The following SH3GL2 variants were observed in gnomAD, a reference collection of about 807,000 sequenced individuals.
The protein encoded by SH3GL2 is endophilin-A1.
A neutral mutation model predicts 46.0 loss-of-function variants in SH3GL2; 24 were observed. That is an observed-to-expected ratio of 0.52 (90% CI 0.38 to 0.73). The LOEUF (loss-of-function observed/expected upper bound fraction) is 0.73, where lower values mean the gene tolerates loss of function less well. Among genes scored for constraint, SH3GL2 ranks in the 30% least tolerant of loss-of-function variants. The pLI is 0.00. For missense variants in SH3GL2, 413 were observed against 424.2 expected, an observed-to-expected ratio of 0.97 and a Z score of 0.23; for synonymous variants, 196 against 147.1, an observed-to-expected ratio of 1.33 and a Z score of -2.40.
At chr9:17,680,699 C>G (rs184808840) in intron 1 of SH3GL2, among the ~76,000 whole-genome samples, 2 of 152,052 alleles carry the variant, frequency 1.3e-5, no homozygotes, top group African/African-American at 2.4e-5. Context: ...TGTTGCTTCT[C>G]TAGTTCTTTT....
chr9:17,731,510 TA>T (rs1822182149), intron 1 of SH3GL2, among the ~76,000 whole-genome samples: 1 of 151,884 alleles, frequency 6.6e-6, no homozygotes, highest in Non-Finnish European at 1.5e-5. Flanking sequence ...GAGGAAGGTT[TA>T]TGTGAGGACA....
chr9:17,763,561 A>G (rs1380879275), intron 3 of SH3GL2, among the ~76,000 whole-genome samples: 2 of 152,196 alleles, frequency 1.3e-5, no homozygotes. Flanking sequence ...GGAAGACATG[A>G]GGAAGGATTC....
At chr9:17,745,149 T>C (rs186793315) in intron 1 of SH3GL2, among the ~76,000 whole-genome samples, 34 of 152,350 alleles carry the variant, frequency 2.2e-4, no homozygotes, top group Admixed American at 1.1e-3. Context: ...ATAAATGTTC[T>C]ATATAGTTCT....
intron 1 of SH3GL2, among the ~76,000 whole-genome samples, chr9:17,676,559 T>C (rs1218824751): frequency 6.6e-6 from 1 of 152,166 alleles, no homozygotes; most frequent in Non-Finnish European, 1.5e-5. Flanking sequence ...TGAGCTGAGA[T>C]TGCACCACTG....
At chr9:17,668,127 T>G (rs1820389638) in intron 1 of SH3GL2, among the ~76,000 whole-genome samples, 1 of 152,214 alleles carries the variant, frequency 6.6e-6, no homozygotes, top group Non-Finnish European at 1.5e-5. Flanking sequence ...AACACAAAGT[T>G]TTGATGAGGT....
Position 17,725,295 on chromosome 9 carries a change from G to A in SH3GL2, c.46-21771G>A, listed in dbSNP as rs190706699. ...AAATAAAAGAGGTGTGCATTCCAGGGCATGTGCTTAGCCTTCTTTGTCTCT... is the reference window on the plus strand; with the variant it reads ...AAATAAAAGAGGTGTGCATTCCAGGACATGTGCTTAGCCTTCTTTGTCTCT... On this transcript the variant is annotated intron_variant, in intron 1 of 8. Transcript: ENST00000380607. Among the ~76,000 whole-genome samples the A allele has an allele frequency of 1.9e-3, 295 of 152,184 alleles. 3 individuals are homozygous for A. The highest frequency in any genetic ancestry group is 1.3e-3 in the Non-Finnish European group (86 of 67,986).
At chr9:17,770,359 C>G (rs937782886) in intron 3 of SH3GL2, among the ~76,000 whole-genome samples, 1 of 152,196 alleles carries the variant, frequency 6.6e-6, no homozygotes, top group Admixed American at 6.5e-5. Context: ...TCAGATATTA[C>G]TATCTCCAAG....
At chr9:17,600,477 AT>A (rs1818651049) in intron 1 of SH3GL2, among the ~76,000 whole-genome samples, 1 of 152,204 alleles carries the variant, frequency 6.6e-6, no homozygotes, top group Non-Finnish European at 1.5e-5. Flanking sequence ...TCTCAGTTAG[AT>A]CTTCAGAGAA....
chr9:17,623,076 C>T (rs1336048673), intron 1 of SH3GL2, among the ~76,000 whole-genome samples: 1 of 141,844 alleles, frequency 7.1e-6, no homozygotes, highest in East Asian at 2.1e-4. Context: ...TTCCCCTTCC[C>T]CTTCCCCTTC....
At chr9:17,789,289 C>A in intron 5 of SH3GL2, 103 bp from the exon 6 acceptor site, 3 of 892,928 alleles carry the variant, frequency 3.4e-6, no homozygotes, top group Non-Finnish European at 5.3e-6. Context: ...TAAAACTTAG[C>A]CTATCTTAAT....
intron 1 of SH3GL2, among the ~76,000 whole-genome samples, chr9:17,677,766 C>G (rs1486156802): frequency 6.6e-6 from 1 of 151,964 alleles, no homozygotes; most frequent in Non-Finnish European, 1.5e-5. Flanking sequence ...TCTCCTAATG[C>G]TATCCCTCCT....
Position 17,594,361 on chromosome 9 carries a change from C to A in SH3GL2, c.45+15074C>A, listed in dbSNP as rs1000614616. 2.0e-5 allele frequency among the ~76,000 whole-genome samples: 3 copies of A among 152,164 alleles called. 1 individual carries two copies. The highest frequency in any genetic ancestry group is 4.4e-5 in the Non-Finnish European group (3 of 68,034). On this transcript the variant is annotated intron_variant, in intron 1 of 8. Transcript: ENST00000380607. ...TTTCCACTTGGTATTTGATTAATCA[C>A]CACTTTATCAGCTTCATATTTTCTC... is the stretch of plus-strand genomic sequence containing the variant.
Position 17,579,081 on chromosome 9 carries a change from C to T in SH3GL2, c.-162C>T. The T allele has an allele frequency of 2.1e-6, 1 of 475,652 alleles. No homozygotes were observed. Among genetic ancestry groups the T allele is most frequent in the Non-Finnish European group, 3.6e-6 (1 of 275,172 alleles). 29.5% of individuals were successfully genotyped at this position (475,652 alleles called of 1,614,324 possible). The stretch of plus-strand genomic sequence containing the variant: ...CGCCCTTGACGTCAGAGTGTTTCTC[C>T]GCAAGAGCCCGTGTCCCGCTAGGCT... On this transcript the variant is annotated 5_prime_UTR_variant, in exon 1 of 9. Coordinates refer to ENST00000380607, the MANE Select transcript of SH3GL2 (RefSeq NM_003026.5).
In SH3GL2 at chr9:17,765,825, C is replaced by G. The variant is rs564536179; in HGVS notation, c.187+4316C>G. ...GCCATGAGTTCAGCACTGTGCCTGT[C>G]TTATTCACCACCACATCCCCAGCCC... On this transcript the variant is annotated intron_variant, in intron 3 of 8. Transcript: ENST00000380607. Among the ~76,000 whole-genome samples the G allele has an allele frequency of 2.7e-4, 41 of 152,290 alleles. 1 individual carries two copies. The South Asian group carries it at 7.9e-3, about 29-fold the overall frequency.
rs1824261592 is a variant in SH3GL2 at position 17,795,891 on chromosome 9, G to C, written c.*148G>C. 1.6e-6 allele frequency: 1 copy of C among 639,036 alleles called. No individual in the cohort carries two copies. The highest frequency in any genetic ancestry group is 2.7e-5 in the East Asian group (1 of 36,488). The allele number at this position is 639,036 out of a possible 1,614,324, so 39.6% of individuals were successfully genotyped here. The stretch of plus-strand genomic sequence containing the variant: ...ACCAAGTGACTTTGGTTGACTTGTG[G>C]GCTCCCACAGGAGTCATGGTGATGG... On this transcript the variant is annotated 3_prime_UTR_variant, in exon 9 of 9. Coordinates refer to ENST00000380607, the MANE Select transcript of SH3GL2 (RefSeq NM_003026.5).
chr9:17,791,713 T>C (rs1032574831), intron 7 of SH3GL2, among the ~76,000 whole-genome samples: 2 of 152,216 alleles, frequency 1.3e-5, no homozygotes, highest in Non-Finnish European at 1.5e-5. Flanking sequence ...GACTAACAGA[T>C]GAGTAAACTG....
chr9:17,622,045 T>C (rs1172754330), intron 1 of SH3GL2, among the ~76,000 whole-genome samples: 6 of 152,242 alleles, frequency 3.9e-5, no homozygotes, highest in Non-Finnish European at 7.3e-5. Flanking sequence ...CTTTTGATTA[T>C]TCCCAAAGGT....
At chr9:17,717,976 G>A (rs1482426464) in intron 1 of SH3GL2, among the ~76,000 whole-genome samples, 1 of 152,124 alleles carries the variant, frequency 6.6e-6, no homozygotes, top group South Asian at 2.1e-4. Flanking sequence ...AAACATGACA[G>A]TAAGTTCATT....
chr9:17,697,032 T>G (rs1821220785), intron 1 of SH3GL2, among the ~76,000 whole-genome samples: 2 of 152,108 alleles, frequency 1.3e-5, no homozygotes, highest in African/African-American at 4.8e-5. Context: ...GGAACCTTGA[T>G]ACTGTCCTGG....
Sources: allele counts gnomAD v4.1 joint callset (sites outside exome capture counted in the v4.1 genomes callset), GRCh38; gene constraint gnomAD v4.1.1; transcripts MANE v1.5; gene names NCBI Gene and HGNC (gene_info 2026-07-23, HGNC 2026-07-21).